The following CLDN14 variants were observed in gnomAD, a reference collection of about 807,000 sequenced individuals.
The protein encoded by CLDN14 is claudin 14.
CLDN14 carries 2 observed loss-of-function variants against 2.1 expected under a neutral mutation model. The observed-to-expected ratio is 0.96, with a 90% confidence interval of 0.39 to 3.01. The LOEUF is 3.01. Ranked by LOEUF, CLDN14 falls within the 30% of genes most tolerant of loss-of-function variation. The pLI is 0.09. For missense variants in CLDN14, 298 were observed against 328.0 expected (o/e 0.91, Z 0.71); for synonymous variants, 136 against 154.4 (o/e 0.88, Z 0.88).
chr21:36,502,762 G>T (rs1033481308), intron 2 of CLDN14, among the ~76,000 whole-genome samples: 19 of 152,154 alleles, frequency 1.2e-4, no homozygotes, highest in African/African-American at 4.3e-4. Flanking sequence ...TTCATAAATG[G>T]TAATAAAGAT....
intron 1 of CLDN14, among the ~76,000 whole-genome samples, chr21:36,569,891 G>A (rs180780891): frequency 1.0e-3 from 152 of 152,330 alleles, no homozygotes; most frequent in Non-Finnish European, 2.0e-3. Context: ...ATCTGTGAAC[G>A]CAAAAGTATC....
intron 1 of CLDN14, among the ~76,000 whole-genome samples, chr21:36,561,176 G>A (rs549418890): frequency 6.6e-6 from 1 of 152,258 alleles, no homozygotes; most frequent in Admixed American, 6.5e-5. Flanking sequence ...CAGACTCCAA[G>A]GGCTTAACTA....
intron 1 of CLDN14, among the ~76,000 whole-genome samples, chr21:36,474,177 C>T (rs1349583208): frequency 6.6e-6 from 1 of 152,008 alleles, no homozygotes; most frequent in Non-Finnish European, 1.5e-5. Flanking sequence ...TCAACTCAGC[C>T]AGGAAAAAAA....
At chr21:36,563,949 C>T (rs2146525541) in intron 1 of CLDN14, among the ~76,000 whole-genome samples, 1 of 152,316 alleles carries the variant, frequency 6.6e-6, no homozygotes, top group East Asian at 1.9e-4. Flanking sequence ...ATCCCCCAAA[C>T]TCTTAAGGAA....
chr21:36,490,110 A>T (rs1025425032), intron 2 of CLDN14, among the ~76,000 whole-genome samples: 1 of 152,216 alleles, frequency 6.6e-6, no homozygotes, highest in Non-Finnish European at 1.5e-5. Flanking sequence ...CAGTCTAGAG[A>T]TGAGGAAGTC....
At chr21:36,522,980 C>T (rs2087283398) in intron 1 of CLDN14, among the ~76,000 whole-genome samples, 1 of 152,120 alleles carries the variant, frequency 6.6e-6, no homozygotes, top group Non-Finnish European at 1.5e-5. Context: ...CACACGGAGG[C>T]AGGCAGAACT....
At chr21:36,500,937 T>C (rs2087086549) in intron 2 of CLDN14, among the ~76,000 whole-genome samples, 1 of 152,268 alleles carries the variant, frequency 6.6e-6, no homozygotes, top group Non-Finnish European at 1.5e-5. Context: ...CACAGAACTC[T>C]ACGCAGGGGG....
At chr21:36,491,108 C>T (rs1307003773) in intron 2 of CLDN14, among the ~76,000 whole-genome samples, 1 of 152,162 alleles carries the variant, frequency 6.6e-6, no homozygotes, top group Non-Finnish European at 1.5e-5. Flanking sequence ...GGCTGCATCT[C>T]CTCCCCTGTT....
intron 2 of CLDN14, chr21:36,486,545 G>C (rs1165990611): frequency 5.8e-6 from 9 of 1,559,726 alleles, no homozygotes; most frequent in Non-Finnish European, 8.0e-6. Flanking sequence ...CAAAATCGGA[G>C]AACTGATGAG....
At chr21:36,497,678 C>T (rs558327009) in intron 2 of CLDN14, among the ~76,000 whole-genome samples, 8 of 152,258 alleles carry the variant, frequency 5.3e-5, no homozygotes, top group South Asian at 2.1e-4. Flanking sequence ...CTCATTTCAT[C>T]GCCGTTTAGC....
At position 36,529,395 on chromosome 21, in the gene CLDN14, T is replaced by C. The variant is rs954914333; in HGVS notation, c.-219-18895A>G. Among the ~76,000 whole-genome samples the C allele has an allele frequency of 2.6e-5, 4 of 152,086 alleles. No homozygotes were observed. In the East Asian group the frequency reaches 5.8e-4, roughly 22 times the overall value. On this transcript the variant is annotated intron_variant, in intron 1 of 2. Transcript: ENST00000342108. ...CCTCCACCTCCCGAGTTCAAGCGAT[T>C]CTCCTGCCTCAGCCTCTCGAGTAGC...
intron 2 of CLDN14, among the ~76,000 whole-genome samples, chr21:36,501,923 C>CTT (rs10691614): frequency 0.051 from 7,634 of 148,500 alleles, 390 homozygotes; most frequent in African/African-American, 0.13. Context: ...TTGAAAAGAC[C>CTT]TTTTTTTTTT....
At chr21:36,483,516 G>A (rs2086867571), upstream of CLDN14, among the ~76,000 whole-genome samples, 1 of 152,240 alleles carries the variant, frequency 6.6e-6, no homozygotes, top group South Asian at 2.1e-4. Context: ...TCCAGAGAGA[G>A]AAGCACAAGG....
chr21:36,492,008 T>G (rs1280178279), intron 2 of CLDN14, among the ~76,000 whole-genome samples: 8 of 152,058 alleles, frequency 5.3e-5, no homozygotes, highest in African/African-American at 1.4e-4. Flanking sequence ...ATGGGTGTGA[T>G]TAAGTTAGTA....
At chr21:36,524,650 C>T (rs1266394834) in intron 1 of CLDN14, among the ~76,000 whole-genome samples, 1 of 152,208 alleles carries the variant, frequency 6.6e-6, no homozygotes, top group Admixed American at 6.5e-5. Flanking sequence ...CCTACAGCCT[C>T]CTGGACCTGG....
intron 1 of CLDN14, among the ~76,000 whole-genome samples, chr21:36,476,883 T>G (rs551668742): frequency 1.8e-4 from 28 of 152,236 alleles, no homozygotes; most frequent in Non-Finnish European, 4.0e-4. Context: ...TAGAATTAAT[T>G]GGGTCAGGTA....
intron 1 of CLDN14, among the ~76,000 whole-genome samples, chr21:36,558,259 T>G (rs2087612161): frequency 6.6e-6 from 1 of 152,210 alleles, no homozygotes; most frequent in South Asian, 2.1e-4. Flanking sequence ...ATTGTTTTGG[T>G]AATTTGGGGT....
At chr21:36,472,597 C>G (rs1041279894) in intron 1 of CLDN14, among the ~76,000 whole-genome samples, 5 of 152,198 alleles carry the variant, frequency 3.3e-5, no homozygotes, top group Non-Finnish European at 5.9e-5. Flanking sequence ...GAAGGCCAGA[C>G]TGGAACCAGA....
intron 2 of CLDN14, chr21:36,486,530 C>T (rs1231578792): frequency 6.4e-7 from 1 of 1,565,298 alleles, no homozygotes; most frequent in African/African-American, 1.4e-5. Context: ...ACCCCCTTCC[C>T]CAGCCAAAAT....
Sources: gnomAD v4.1 joint callset for allele counts (sites outside exome capture counted in the v4.1 genomes callset) on GRCh38, gnomAD v4.1.1 for gene constraint, MANE v1.5 for transcripts, NCBI Gene and HGNC (gene_info 2026-07-23, HGNC 2026-07-21) for gene names.